Variants in GOLM2 observed in about 807,000 individuals in gnomAD.
The protein encoded by GOLM2 is golgi membrane protein 2.
GOLM2 carries 26 observed loss-of-function variants against 55.9 expected under a neutral mutation model. The ratio of observed to expected loss-of-function variants is 0.47; its 90% CI spans 0.34 to 0.65. GOLM2 has a LOEUF of 0.65. Ranked by LOEUF, GOLM2 falls within the 30% of genes least tolerant of loss-of-function variation. GOLM2 has a pLI of 0.01. For missense variants in GOLM2, 486 were observed against 531.8 expected (o/e 0.91, Z 0.85); for synonymous variants, 165 against 194.6 (o/e 0.85, Z 1.27).
rs146213732 is a variant in GOLM2 at position 44,332,677 on chromosome 15, C to G, written c.576+599C>G. ...AGTGGGCAACTTTTTTACTGAAAAT[C>G]AACTACTTCCTTTTTTATACATTTG... On this transcript the variant is annotated intron_variant, in intron 4 of 9. Coordinates refer to ENST00000299957, the MANE Select transcript of GOLM2 (RefSeq NM_138423.4). 7.5e-3 allele frequency among the ~76,000 whole-genome samples: 1,139 copies of G among 151,970 alleles called. 12 individuals are homozygous for G. Among genetic ancestry groups the G allele is most frequent in the African/African-American group, 0.026 (1,090 of 41,450 alleles).
intron 6 of GOLM2, among the ~76,000 whole-genome samples, chr15:44,359,005 A>T (rs541589974): frequency 6.6e-6 from 1 of 151,770 alleles, no homozygotes; most frequent in East Asian, 2.0e-4. Flanking sequence ...AAATACAAAA[A>T]AATTAGCTGG....
At chr15:44,309,440 CTT>C (rs1398469933) in intron 1 of GOLM2, among the ~76,000 whole-genome samples, 5 of 151,982 alleles carry the variant, frequency 3.3e-5, no homozygotes, top group Non-Finnish European at 7.4e-5. Flanking sequence ...TATATACAAT[CTT>C]TAATTGTCAA....
chr15:44,394,161 C>G (rs1331182017), intron 8 of GOLM2, among the ~76,000 whole-genome samples: 4 of 152,166 alleles, frequency 2.6e-5, no homozygotes, highest in Non-Finnish European at 2.9e-5. Context: ...GCTCAGGCCT[C>G]AGGCATACAA....
chr15:44,328,807 A>G lies in GOLM2; in HGVS notation c.485+20A>G, dbSNP rs767822018. The G allele has an allele frequency of 8.8e-6, 13 of 1,470,194 alleles. No individual in the cohort carries two copies. The highest frequency in any genetic ancestry group is 1.8e-4 in the Middle Eastern group (1 of 5,632). The allele number at this position is 1,470,194 out of a possible 1,614,324, so 91.1% of individuals were successfully genotyped here. ...TGAAAGGTAAGATGTTACATGCAAC[A>G]TATGTTTATGAATCTAAAATATTTG... On this transcript the variant is annotated intron_variant, in intron 3 of 9. Transcript: ENST00000299957.
chr15:44,379,554 T>C, intron 6 of GOLM2, 136 bp from the exon 7 acceptor site: 1 of 625,388 alleles, frequency 1.6e-6, no homozygotes, highest in South Asian at 2.0e-5. Context: ...GCATACCAAC[T>C]ATAAGGATTA....
intron 9 of GOLM2, among the ~76,000 whole-genome samples, chr15:44,403,528 A>G (rs1035572627): frequency 5.3e-5 from 8 of 152,118 alleles, no homozygotes; most frequent in African/African-American, 1.9e-4. Context: ...CTTTTATAAT[A>G]GTGGAATTTG....
At chr15:44,373,048 T>C (rs907315085) in intron 6 of GOLM2, among the ~76,000 whole-genome samples, 4 of 152,236 alleles carry the variant, frequency 2.6e-5, no homozygotes, top group Admixed American at 2.6e-4. Context: ...CTCTGACATT[T>C]ATATTATGTT....
At chr15:44,313,136 C>T (rs2078885669) in intron 1 of GOLM2, among the ~76,000 whole-genome samples, 1 of 151,810 alleles carries the variant, frequency 6.6e-6, no homozygotes, top group African/African-American at 2.4e-5. Flanking sequence ...GTAATCCCAG[C>T]TACTTGGGAG....
At chr15:44,397,998 C>T (rs2079538969) in intron 8 of GOLM2, among the ~76,000 whole-genome samples, 1 of 152,194 alleles carries the variant, frequency 6.6e-6, no homozygotes, top group Non-Finnish European at 1.5e-5. Context: ...CCTCTGTCTT[C>T]CTAGTGTAAG....
At chr15:44,351,400 C>A (rs1284709021) in intron 6 of GOLM2, among the ~76,000 whole-genome samples, 1 of 151,698 alleles carries the variant, frequency 6.6e-6, no homozygotes, top group Non-Finnish European at 1.5e-5. Flanking sequence ...CATGGTGAAG[C>A]CCCGTCTCTA....
chr15:44,386,991 A>G (rs2079450428), intron 8 of GOLM2, among the ~76,000 whole-genome samples: 1 of 152,010 alleles, frequency 6.6e-6, no homozygotes, highest in African/African-American at 2.4e-5. Context: ...CCTGGGCAAC[A>G]TGGCAAAACC....
At chr15:44,376,809 T>G (rs2079367778) in intron 6 of GOLM2, among the ~76,000 whole-genome samples, 1 of 150,834 alleles carries the variant, frequency 6.6e-6, no homozygotes, top group Non-Finnish European at 1.5e-5. Context: ...ATATAGTAGG[T>G]GTGGGGCTTA....
chr15:44,388,154 T>G (rs1334391081), intron 8 of GOLM2, among the ~76,000 whole-genome samples: 1 of 150,548 alleles, frequency 6.6e-6, no homozygotes, highest in Non-Finnish European at 1.5e-5. Context: ...TGCATGCCTG[T>G]AATTCCAGCT....
chr15:44,365,182 C>T (rs919668577), intron 6 of GOLM2, among the ~76,000 whole-genome samples: 5 of 152,046 alleles, frequency 3.3e-5, no homozygotes, highest in Admixed American at 6.6e-5. Flanking sequence ...TACCTTTGGA[C>T]AATGGAATAT....
intron 2 of GOLM2, among the ~76,000 whole-genome samples, chr15:44,326,960 CT>C (rs778580607): frequency 2.7e-3 from 359 of 131,812 alleles, no homozygotes; most frequent in Middle Eastern, 9.0e-3. Flanking sequence ...CCAACATCTG[CT>C]TTTTTTTTTT....
chr15:44,404,023 C>A (rs192531151), intron 9 of GOLM2, among the ~76,000 whole-genome samples: 2 of 152,222 alleles, frequency 1.3e-5, no homozygotes, highest in South Asian at 2.1e-4. Flanking sequence ...GCAGCCCTAC[C>A]CATGCATGCA....
At position 44,415,426 on chromosome 15, in the gene GOLM2, A is replaced by C. The variant is rs2079667287; in HGVS notation, c.*2020A>C. On this transcript the variant is annotated 3_prime_UTR_variant, in exon 10 of 10. Coordinates refer to ENST00000299957, the MANE Select transcript of GOLM2 (RefSeq NM_138423.4). ...GCCTTAGTTCTTTTGTCATAAAAAC[A>C]ATCACTTGGTTGGTTGTATTGTAGC... is the stretch of plus-strand genomic sequence containing the variant. 6.6e-6 allele frequency: 1 copy of C among 152,658 alleles called. No homozygotes were observed. The allele number at this position is 152,658 out of a possible 1,614,324, so 9.5% of individuals were successfully genotyped here.
At chr15:44,342,851 CA>C (rs1567030483) in intron 6 of GOLM2, among the ~76,000 whole-genome samples, 1 of 152,164 alleles carries the variant, frequency 6.6e-6, no homozygotes, top group African/African-American at 2.4e-5. Flanking sequence ...AATGGTGAGA[CA>C]ATGGTCTCTG....
At chr15:44,353,588 A>G (rs977644530) in intron 6 of GOLM2, among the ~76,000 whole-genome samples, 13 of 152,312 alleles carry the variant, frequency 8.5e-5, no homozygotes, top group Middle Eastern at 6.8e-3. Flanking sequence ...TTGGAGTACT[A>G]TTTAGCCTTA....
Sources: allele counts gnomAD v4.1 joint callset (sites outside exome capture counted in the v4.1 genomes callset), GRCh38; gene constraint gnomAD v4.1.1; transcripts MANE v1.5; gene names NCBI Gene and HGNC (gene_info 2026-07-23, HGNC 2026-07-21).